SHANK2: variants seen among roughly 807,000 people sequenced by gnomAD.
SHANK2 encodes the protein SH3 and multiple ankyrin repeat domains 2.
SHANK2 carries 43 observed loss-of-function variants against 133.7 expected under a neutral mutation model. The observed-to-expected ratio is 0.32, with a 90% CI of 0.25 to 0.41. The LOEUF (loss-of-function observed/expected upper bound fraction) is 0.41, where lower values mean the gene tolerates loss of function less well. SHANK2 is among the 10% of genes least tolerant of loss of function. The pLI is 1.00. For missense variants in SHANK2, 1,994 were observed against 2,235.8 expected (o/e 0.89, Z 2.18); for synonymous variants, 1,017 against 952.8 (o/e 1.07, Z -1.24).
At chr11:71,148,056 C>T (rs183059217) in intron 2 of SHANK2, among the ~76,000 whole-genome samples, 1 of 151,252 alleles carries the variant, frequency 6.6e-6, no homozygotes, top group Non-Finnish European at 1.5e-5. Flanking sequence ...GCCAGGTTGC[C>T]AATGGCCACC....
At chr11:71,085,955 TTA>T (rs1225321740) in intron 8 of SHANK2, among the ~76,000 whole-genome samples, 5 of 7,094 alleles carry the variant, frequency 7.0e-4, no homozygotes, top group African/African-American at 1.3e-3. Flanking sequence ...GTTATATATA[TTA>T]TGTTATATAT....
chr11:70,771,669 G>A (rs1555042814), intron 14 of SHANK2, among the ~76,000 whole-genome samples: 1 of 152,012 alleles, frequency 6.6e-6, no homozygotes, highest in East Asian at 1.9e-4. Flanking sequence ...GGGGCCCAGC[G>A]AGCTTCTGCC....
At chr11:70,623,705 C>G (rs2060864646) in intron 17 of SHANK2, among the ~76,000 whole-genome samples, 1 of 152,206 alleles carries the variant, frequency 6.6e-6, no homozygotes, top group African/African-American at 2.4e-5. Context: ...ATACGTAAAA[C>G]TAAGAATTAG....
intron 17 of SHANK2, among the ~76,000 whole-genome samples, chr11:70,562,604 T>C (rs1266557449): frequency 1.3e-5 from 2 of 152,234 alleles, no homozygotes; most frequent in Non-Finnish European, 2.9e-5. Flanking sequence ...TGGATTAGTG[T>C]TAATGTGGTA....
At chr11:71,203,082 G>C (rs1954050782) in intron 2 of SHANK2, among the ~76,000 whole-genome samples, 1 of 152,206 alleles carries the variant, frequency 6.6e-6, no homozygotes, top group Admixed American at 6.5e-5. Flanking sequence ...GCCCTGTGGG[G>C]TTCCAGTGAT....
chr11:70,735,104 C>T (rs993319226), intron 14 of SHANK2, among the ~76,000 whole-genome samples: 11 of 152,168 alleles, frequency 7.2e-5, no homozygotes, highest in African/African-American at 4.8e-5. Context: ...GAGGCCGTGG[C>T]CTCCCCCCAG....
chr11:70,508,588 T>C (rs922245996), intron 17 of SHANK2, among the ~76,000 whole-genome samples: 1 of 152,176 alleles, frequency 6.6e-6, no homozygotes, highest in Admixed American at 6.5e-5. Flanking sequence ...GTGACTAGTG[T>C]TCTTATGAAA....
intron 15 of SHANK2, among the ~76,000 whole-genome samples, chr11:70,666,192 G>A (rs371937263): frequency 5.6e-4 from 86 of 152,280 alleles, no homozygotes; most frequent in East Asian, 3.5e-3. Flanking sequence ...GAGGACCTAC[G>A]GCATGCACCT....
At chr11:71,247,013 T>C (rs527639274) in intron 1 of SHANK2, among the ~76,000 whole-genome samples, 1 of 152,356 alleles carries the variant, frequency 6.6e-6, no homozygotes, top group East Asian at 1.9e-4. Flanking sequence ...ATGGGAAATT[T>C]TATGAAAGTC....
chr11:70,620,652 T>C (rs2060817553), intron 17 of SHANK2, among the ~76,000 whole-genome samples: 1 of 152,136 alleles, frequency 6.6e-6, no homozygotes, highest in African/African-American at 2.4e-5. Context: ...CAAGTTCCTA[T>C]GTTGACACAT....
At chr11:70,510,436 C>A (rs2059190002) in intron 17 of SHANK2, among the ~76,000 whole-genome samples, 1 of 152,188 alleles carries the variant, frequency 6.6e-6, no homozygotes, top group South Asian at 2.1e-4. Context: ...CTTCCCCACC[C>A]CACAGAGGTC....
intron 11 of SHANK2, chr11:70,872,330 C>A (rs1949480508): frequency 6.5e-6 from 1 of 154,352 alleles, no homozygotes; most frequent in Non-Finnish European, 1.5e-5. Flanking sequence ...GGAAGGTACT[C>A]ATGAGTGAAG....
At position 70,861,039 on chromosome 11, in the gene SHANK2, C is replaced by T. The variant is rs182179343; in HGVS notation, c.1174+35462G>A. 6.1e-3 allele frequency among the ~76,000 whole-genome samples: 930 copies of T among 152,330 alleles called. 1 individual carries two copies. The highest frequency in any genetic ancestry group is 1.0e-2 in the Admixed American group (153 of 15,302). On this transcript the variant is annotated intron_variant, in intron 11 of 25. Transcript: ENST00000601538. ...CACACGGGGAGCAGCGCTGGCCTTT[C>T]CGGGCCCCCTTGTGGGAGGGAAGCA...
chr11:70,753,230 A>T (rs1308950971), intron 14 of SHANK2, among the ~76,000 whole-genome samples: 1 of 152,142 alleles, frequency 6.6e-6, no homozygotes, highest in Non-Finnish European at 1.5e-5. Context: ...CCACACGATG[A>T]TACTGGAAAA....
chr11:70,730,987 T>C (rs556753649), intron 14 of SHANK2, among the ~76,000 whole-genome samples: 1 of 152,262 alleles, frequency 6.6e-6, no homozygotes, highest in East Asian at 1.9e-4. Flanking sequence ...GAAAATCTCA[T>C]ACCCATGAAG....
chr11:70,907,182 T>G (rs888373654), intron 10 of SHANK2, among the ~76,000 whole-genome samples: 4 of 152,208 alleles, frequency 2.6e-5, no homozygotes, highest in Non-Finnish European at 4.4e-5. Context: ...GGTGACCCAG[T>G]GAGCCTCCCA....
At chr11:70,850,844 G>C (rs1555065223) in intron 11 of SHANK2, among the ~76,000 whole-genome samples, 1 of 152,220 alleles carries the variant, frequency 6.6e-6, no homozygotes, top group Non-Finnish European at 1.5e-5. Context: ...GCTGAAACAA[G>C]TACCCGAGAG....
chr11:71,217,013 A>G (rs1954427412), intron 2 of SHANK2, among the ~76,000 whole-genome samples: 1 of 152,090 alleles, frequency 6.6e-6, no homozygotes, highest in Non-Finnish European at 1.5e-5. Flanking sequence ...TCTGGCCAAC[A>G]TGGTGAAACC....
At chr11:70,643,568 A>G (rs2509834) in intron 17 of SHANK2, among the ~76,000 whole-genome samples, 16 of 111,942 alleles carry the variant, frequency 1.4e-4, no homozygotes, top group East Asian at 4.4e-4. Context: ...TCCGTCTCGG[A>G]AAAAAAAAAA....
Sources: gnomAD v4.1 joint callset for allele counts (sites outside exome capture counted in the v4.1 genomes callset) on GRCh38, gnomAD v4.1.1 for gene constraint, MANE v1.5 for transcripts, NCBI Gene and HGNC (gene_info 2026-07-23, HGNC 2026-07-21) for gene names.